Variants in ZFR observed in about 807,000 individuals in gnomAD.
ZFR encodes zinc finger RNA-binding protein.
ZFR carries 19 observed loss-of-function variants against 130.7 expected under a neutral mutation model. The ratio of observed to expected loss-of-function variants is 0.15; its 90% CI spans 0.10 to 0.21. The LOEUF is 0.21. ZFR is among the 10% of genes least tolerant of loss of function. The pLI, the probability that ZFR is intolerant of heterozygous loss-of-function variation, is 1.00. For missense variants in ZFR, 872 were observed against 1,321.5 expected, an observed-to-expected ratio of 0.66 and a Z score of 5.27; for synonymous variants, 466 against 456.9, an observed-to-expected ratio of 1.02 and a Z score of -0.25.
chr5:32,376,677 A>C (rs923394934), intron 17 of ZFR, among the ~76,000 whole-genome samples: 1 of 151,878 alleles, frequency 6.6e-6, no homozygotes, highest in African/African-American at 2.4e-5. Flanking sequence ...AGAAATGATA[A>C]AAAAAATTAA....
At chr5:32,414,757 C>T (rs1753781709) in intron 5 of ZFR, among the ~76,000 whole-genome samples, 1 of 152,122 alleles carries the variant, frequency 6.6e-6, no homozygotes, top group African/African-American at 2.4e-5. Flanking sequence ...CCCCCAAGAA[C>T]ATATTATATT....
intron 2 of ZFR, among the ~76,000 whole-genome samples, chr5:32,422,975 A>G (rs1477764060): frequency 6.6e-6 from 1 of 151,924 alleles, no homozygotes; most frequent in Non-Finnish European, 1.5e-5. Flanking sequence ...CTACTTATCA[A>G]CAACAACAAA....
chr5:32,441,274 GC>G (rs1397556079), intron 2 of ZFR, among the ~76,000 whole-genome samples: 10 of 152,180 alleles, frequency 6.6e-5, no homozygotes, highest in Non-Finnish European at 1.5e-4. Context: ...ACCACGCCTG[GC>G]CTCTGGAATT....
At chr5:32,381,320 T>C (rs1031521219) in intron 15 of ZFR, among the ~76,000 whole-genome samples, 20 of 152,170 alleles carry the variant, frequency 1.3e-4, no homozygotes, top group African/African-American at 4.3e-4. Context: ...ATCTGTAAAA[T>C]GTGTATATTA....
intron 2 of ZFR, among the ~76,000 whole-genome samples, chr5:32,436,797 C>T (rs1264555795): frequency 6.6e-6 from 1 of 152,018 alleles, no homozygotes; most frequent in East Asian, 1.9e-4. Context: ...AGTGAATCCT[C>T]GAAACAACAC....
chr5:32,413,175 T>A (rs1324163348), intron 5 of ZFR, among the ~76,000 whole-genome samples: 2 of 148,368 alleles, frequency 1.3e-5, no homozygotes, highest in Non-Finnish European at 1.5e-5. Context: ...GGCGACAGAG[T>A]GAGACTCTTT....
chr5:32,419,281 T>C (rs569963632), intron 3 of ZFR, among the ~76,000 whole-genome samples: 227 of 152,218 alleles, frequency 1.5e-3, no homozygotes, highest in Non-Finnish European at 2.6e-3. Flanking sequence ...CTATAAATAA[T>C]AGAGTCAAAT....
chr5:32,390,240 C>A, intron 12 of ZFR, 35 bp downstream of exon 12: 1 of 1,592,470 alleles, frequency 6.3e-7, no homozygotes. Context: ...ACCAGTCAAA[C>A]TTTCACCCCT....
Position 32,385,586 on chromosome 5 carries a change from A to C in ZFR, c.2563T>G (p.Ser855Ala), listed in dbSNP as rs1375741086. Residue 855 changes from serine (S) to alanine (A), a missense_variant, in exon 15 of 20, where the codon TCA (serine) becomes GCA (alanine). Around this residue, in one of 7 missense-constraint regions of ZFR, gnomAD observed 225 missense variants for 282.4 expected, o/e 0.80. Coordinates refer to ENST00000265069, the MANE Select transcript of ZFR (RefSeq NM_016107.5). ...AVSEAAIILNSCVEPKMQVTI... is the reference protein window; with the variant it reads ...AVSEAAIILNACVEPKMQVTI... ...ACTTGCATTTTGGGTTCCACACATG[A>C]ATTCAAAATTATTGCCGCTTCAGAT... The C allele has an allele frequency of 6.8e-6, 11 of 1,613,458 alleles. No homozygotes were observed. The Admixed American group carries it at 1.5e-4, about 22-fold the overall frequency.
At chr5:32,406,658 C>T in intron 6 of ZFR, 116 bp downstream of exon 6, 1 of 1,351,442 alleles carries the variant, frequency 7.4e-7, no homozygotes, top group African/African-American at 1.5e-5. Flanking sequence ...AAAAAATGCA[C>T]TGGCTAAAAG....
chr5:32,411,359 C>T (rs569730049), intron 5 of ZFR, among the ~76,000 whole-genome samples: 1 of 152,218 alleles, frequency 6.6e-6, no homozygotes, highest in East Asian at 1.9e-4. Context: ...CTGTATCCAT[C>T]GGTTCAGCAA....
chr5:32,374,139 T>C (rs915730506), intron 17 of ZFR, among the ~76,000 whole-genome samples: 1 of 152,128 alleles, frequency 6.6e-6, no homozygotes, highest in East Asian at 1.9e-4. Context: ...ACACCCTGGG[T>C]GGGTAGAGGG....
intron 5 of ZFR, among the ~76,000 whole-genome samples, chr5:32,412,821 A>AT (rs1753739999): frequency 6.6e-6 from 1 of 152,204 alleles, no homozygotes; most frequent in African/African-American, 2.4e-5. Context: ...ATTATTAATA[A>AT]TTGGTGAACC....
chr5:32,408,318 A>AC (rs1192718622), intron 5 of ZFR, among the ~76,000 whole-genome samples: 1 of 79,256 alleles, frequency 1.3e-5, no homozygotes, highest in African/African-American at 3.9e-5. Context: ...TTGATTAAAA[A>AC]AAAAAAAAAA....
At chr5:32,415,515 T>TGCGC (rs70961629) in intron 4 of ZFR, among the ~76,000 whole-genome samples, 60 of 97,984 alleles carry the variant, frequency 6.1e-4, no homozygotes, top group African/African-American at 2.3e-3. Context: ...TGTGTGTGTG[T>TGCGC]GCGCGCGCGC....
At chr5:32,400,932 C>A (rs1195012159) in intron 8 of ZFR, among the ~76,000 whole-genome samples, 1 of 152,194 alleles carries the variant, frequency 6.6e-6, no homozygotes, top group Non-Finnish European at 1.5e-5. Flanking sequence ...GGTCTCTCTG[C>A]AAACTTAGTC....
At chr5:32,411,951 G>T (rs996272021) in intron 5 of ZFR, among the ~76,000 whole-genome samples, 4 of 152,104 alleles carry the variant, frequency 2.6e-5, no homozygotes, top group Non-Finnish European at 4.4e-5. Flanking sequence ...AGGGATGACT[G>T]TACATTGAAT....
intron 2 of ZFR, among the ~76,000 whole-genome samples, chr5:32,427,334 G>A (rs577201210): frequency 8.4e-4 from 119 of 141,878 alleles, no homozygotes; most frequent in African/African-American, 2.9e-3. Context: ...GCAGGTGGCC[G>A]TGATCGTGCC....
At chr5:32,393,306 T>C (rs1444463146) in intron 11 of ZFR, among the ~76,000 whole-genome samples, 2 of 152,222 alleles carry the variant, frequency 1.3e-5, no homozygotes, top group Non-Finnish European at 2.9e-5. Context: ...AATGTCATTT[T>C]AAAATGAATT....
Sources: allele counts gnomAD v4.1 joint callset (sites outside exome capture counted in the v4.1 genomes callset), GRCh38; gene constraint gnomAD v4.1.1; regional missense constraint gnomAD v4.1.1; transcripts MANE v1.5; gene names NCBI Gene and HGNC (gene_info 2026-07-23, HGNC 2026-07-21).